The following ZC3H12B variants were observed in gnomAD, a reference collection of about 807,000 sequenced individuals.
The protein encoded by ZC3H12B is zinc finger CCCH-type containing 12B, also known as probable ribonuclease ZC3H12B.
Under a neutral mutation model 43.9 loss-of-function variants are expected in ZC3H12B, and 7 were observed. The observed-to-expected ratio is 0.16, with a 90% CI of 0.09 to 0.30. The LOEUF (loss-of-function observed/expected upper bound fraction) is 0.30. Ranked by LOEUF, ZC3H12B falls within the 10% of genes least tolerant of loss-of-function variation. The probability of loss-of-function intolerance (pLI) is 1.00; values close to 1 mark genes in which losing one functional copy is unlikely to be tolerated. For missense variants in ZC3H12B, 475 were observed against 670.2 expected (o/e 0.71, Z 3.22); for synonymous variants, 222 against 241.7 (o/e 0.92, Z 0.76).
intron 3 of ZC3H12B, among the ~76,000 whole-genome samples, chrX:65,462,252 T>A (rs2067760432): frequency 9.0e-6 from 1 of 111,387 alleles, no homozygotes; most frequent in Non-Finnish European, 1.9e-5. Flanking sequence ...GGCTCACACC[T>A]GTAATCCCAG....
At chrX:65,112,656 C>G in the ZC3H12B span, among the ~76,000 whole-genome samples, 1 of 111,849 alleles carries the variant, frequency 8.9e-6, no homozygotes, top group Non-Finnish European at 1.9e-5. Context: ...GCCTGGATGA[C>G]AGCATACCTG....
the ZC3H12B span, among the ~76,000 whole-genome samples, chrX:65,163,368 C>G: frequency 9.0e-6 from 1 of 111,594 alleles, no homozygotes; most frequent in African/African-American, 3.3e-5. Flanking sequence ...GCCCTGCCCC[C>G]AGAAGTGGAG....
At chrX:65,258,577 G>T in the ZC3H12B span, among the ~76,000 whole-genome samples, 5 of 111,419 alleles carry the variant, frequency 4.5e-5, no homozygotes, top group Admixed American at 9.6e-5. Context: ...CAGCAATCAG[G>T]CAAGAGAAAG....
the ZC3H12B span, among the ~76,000 whole-genome samples, chrX:65,107,491 G>C: frequency 9.0e-6 from 1 of 111,230 alleles, no homozygotes. Context: ...TTGTCATTAT[G>C]TGAGTATCAT....
At chrX:65,073,637 C>T in the ZC3H12B span, among the ~76,000 whole-genome samples, 2 of 112,219 alleles carry the variant, frequency 1.8e-5, no homozygotes, top group African/African-American at 6.5e-5. Flanking sequence ...GCTATATTCC[C>T]ACATCAAACC....
chrX:65,125,145 C>T, the ZC3H12B span, among the ~76,000 whole-genome samples: 1 of 111,090 alleles, frequency 9.0e-6, no homozygotes, highest in African/African-American at 3.3e-5. Context: ...CTCATAGCAC[C>T]ACTTTTGCTG....
chrX:65,467,358 G>A (rs190944505), intron 3 of ZC3H12B, among the ~76,000 whole-genome samples: 2 of 110,454 alleles, frequency 1.8e-5, no homozygotes, highest in Non-Finnish European at 3.8e-5. Context: ...TTTGTTGGTG[G>A]GCACTTATGT....
chrX:65,141,575 A>C, the ZC3H12B span, among the ~76,000 whole-genome samples: 3 of 109,440 alleles, frequency 2.7e-5, no homozygotes, highest in African/African-American at 1.0e-4. Flanking sequence ...TGGTTTCATG[A>C]GTAAGTTCTT....
At chrX:65,245,070 C>A in the ZC3H12B span, among the ~76,000 whole-genome samples, 4 of 111,046 alleles carry the variant, frequency 3.6e-5, no homozygotes, top group African/African-American at 1.3e-4. Context: ...TTAATACTGA[C>A]CCTCCCTCAA....
chrX:65,097,486 T>C, the ZC3H12B span, among the ~76,000 whole-genome samples: 1 of 111,865 alleles, frequency 8.9e-6, no homozygotes, highest in Non-Finnish European at 1.9e-5. Flanking sequence ...CAGAAAATGT[T>C]ATATACAGTG....
the ZC3H12B span, among the ~76,000 whole-genome samples, chrX:65,202,227 T>C: frequency 3.0e-5 from 3 of 98,708 alleles, no homozygotes; most frequent in Non-Finnish European, 5.9e-5. Flanking sequence ...TGGGTATGAC[T>C]TTATTAACAG....
chrX:65,153,235 G>A, the ZC3H12B span, among the ~76,000 whole-genome samples: 1 of 111,831 alleles, frequency 8.9e-6, no homozygotes, highest in Non-Finnish European at 1.9e-5. Flanking sequence ...TGACAAATGG[G>A]ATCTAATTAA....
chrX:65,168,961 T>A, the ZC3H12B span, among the ~76,000 whole-genome samples: 1 of 110,996 alleles, frequency 9.0e-6, no homozygotes, highest in Non-Finnish European at 1.9e-5. Flanking sequence ...AGTGGTCTAT[T>A]TTGTTGATCT....
chrX:65,144,111 C>G, the ZC3H12B span, among the ~76,000 whole-genome samples: 3 of 111,536 alleles, frequency 2.7e-5, no homozygotes, highest in Admixed American at 2.9e-4. Flanking sequence ...TAGAATTCTG[C>G]TGTGAATCAA....
the ZC3H12B span, among the ~76,000 whole-genome samples, chrX:65,152,541 C>T: frequency 1.4e-4 from 15 of 110,923 alleles, no homozygotes; most frequent in African/African-American, 4.6e-4. Flanking sequence ...CGTGAAGGAC[C>T]TCTTCAAGGA....
At chrX:65,248,457 A>G in the ZC3H12B span, among the ~76,000 whole-genome samples, 1 of 112,029 alleles carries the variant, frequency 8.9e-6, no homozygotes, top group East Asian at 2.8e-4. Flanking sequence ...AATGGATACA[A>G]TATTTAGCCC....
chrX:65,201,206 A>T, the ZC3H12B span, among the ~76,000 whole-genome samples: 1 of 111,833 alleles, frequency 8.9e-6, no homozygotes, highest in African/African-American at 3.2e-5. Flanking sequence ...TAGGCTATTT[A>T]CTACCACCTC....
intron 4 of ZC3H12B, among the ~76,000 whole-genome samples, chrX:65,501,395 C>T (rs945185663): frequency 9.2e-6 from 1 of 109,102 alleles, no homozygotes; most frequent in Non-Finnish European, 1.9e-5. Context: ...GGACTGCAGA[C>T]GTGCACCACC....
At chrX:65,502,927 C>T (rs961770025) in exon 5 of ZC3H12B, 1 of 1,211,840 alleles carries the variant, frequency 8.3e-7, no homozygotes, top group Non-Finnish European at 1.1e-6. Flanking sequence ...ATGGCTACCA[C>T]TCCTATCCCT....
Sources: allele counts gnomAD v4.1 joint callset (sites outside exome capture counted in the v4.1 genomes callset), GRCh38; gene constraint gnomAD v4.1.1; transcripts MANE v1.5; gene names NCBI Gene and HGNC (gene_info 2026-07-23, HGNC 2026-07-21).